Variants in COX11 observed in about 807,000 individuals in gnomAD.
The protein encoded by COX11 is cytochrome c oxidase copper chaperone COX11, also known as cytochrome c oxidase assembly protein COX11, mitochondrial.
In COX11, 18 loss-of-function variants were observed where a neutral mutation model predicts 29.4. That is an observed-to-expected ratio of 0.61 (90% CI 0.42 to 0.91). The LOEUF (loss-of-function observed/expected upper bound fraction) is 0.91. COX11 is among the 40% of genes least tolerant of loss of function. The probability of loss-of-function intolerance (pLI) is 0.00; values close to 1 mark genes in which losing one functional copy is unlikely to be tolerated. For missense variants in COX11, 312 were observed against 346.0 expected, an observed-to-expected ratio of 0.90 and a Z score of 0.78; for synonymous variants, 131 against 124.0, an observed-to-expected ratio of 1.06 and a Z score of -0.38.
At chr17:54,952,172 G>C (rs186452761) in exon 1 of COX11, 1 of 152,256 alleles carries the variant, frequency 6.6e-6, no homozygotes, top group Admixed American at 6.5e-5. Context: ...ACAGTAGTAA[G>C]AGCAATAAAA....
At chr17:54,966,486 TTTG>T (rs1490543426) in intron 1 of COX11, among the ~76,000 whole-genome samples, 3 of 152,212 alleles carry the variant, frequency 2.0e-5, no homozygotes, top group African/African-American at 7.2e-5. Context: ...TGAATAATTT[TTTG>T]TTGTTTGGGG....
Position 54,968,485 on chromosome 17 carries a change from C to T in COX11, c.162G>A (p.Gly54=). 6.2e-7 allele frequency: 1 copy of T among 1,613,498 alleles called. No homozygotes were observed. Among genetic ancestry groups the T allele is most frequent in the Non-Finnish European group, 8.5e-7 (1 of 1,180,008 alleles). ...CTCGAAGGCTGCAGCGCTTCCATGTCCCAAGCCACCTCAGTCCTCTCTCGG... is the reference window on the plus strand; with the variant it reads ...CTCGAAGGCTGCAGCGCTTCCATGTTCCAAGCCACCTCAGTCCTCTCTCGG... ...GGAERGLRWL[G]TWKRCSLRAR... Residue 54 remains glycine, a synonymous_variant, in exon 1 of 4, where the codon GGG becomes GGA. Coordinates refer to ENST00000299335, the MANE Select transcript of COX11 (RefSeq NM_004375.5).
intron 3 of COX11, 107 bp downstream of exon 3, chr17:54,963,199 A>G: frequency 1.6e-6 from 2 of 1,267,344 alleles, no homozygotes; most frequent in Non-Finnish European, 1.1e-6. Flanking sequence ...TGATGTTTAG[A>G]AGAAATTCGT....
At chr17:54,963,580 C>A in intron 2 of COX11, 149 bp from the exon 3 acceptor site, 1 of 725,426 alleles carries the variant, frequency 1.4e-6, no homozygotes. Flanking sequence ...GTGAATATTA[C>A]CCATAAACAT....
At chr17:54,959,855 G>A (rs1441251847), downstream of COX11, among the ~76,000 whole-genome samples, 6 of 152,124 alleles carry the variant, frequency 3.9e-5, no homozygotes, top group South Asian at 1.0e-3. Context: ...GGACTCAAGC[G>A]ATCCACCCAC....
At chr17:54,953,064 A>G (rs1598066156) in exon 1 of COX11, 1 of 152,216 alleles carries the variant, frequency 6.6e-6, no homozygotes, top group African/African-American at 2.4e-5. Context: ...CACAGAAAAC[A>G]TGGCTACAGT....
rs1266086867 is a variant in COX11, at chr17:54,960,434, A to C, written c.*2299T>G. 1 of 670,510 alleles carries C rather than the reference A, an allele frequency of 1.5e-6. No individual in the cohort carries two copies. Among genetic ancestry groups the C allele is most frequent in the Non-Finnish European group, 2.7e-6 (1 of 367,286 alleles). 41.5% of individuals were successfully genotyped at this position (670,510 alleles called of 1,614,324 possible). A position where few individuals can be genotyped will look rare whatever the true frequency, so the allele number is the denominator to read the frequency against. ...CTAGAATACACACTTCAGGGCAGAG[A>C]CTTATTTTTACTCATATGTAGCCTG... On this transcript the variant is annotated 3_prime_UTR_variant, in exon 4 of 4. Coordinates refer to ENST00000299335, the MANE Select transcript of COX11 (RefSeq NM_004375.5).
At chr17:54,965,296 T>C (rs1343494926) in intron 1 of COX11, among the ~76,000 whole-genome samples, 1 of 152,270 alleles carries the variant, frequency 6.6e-6, no homozygotes, top group African/African-American at 2.4e-5. Flanking sequence ...TCTGGTCCTT[T>C]TCCATATCAC....
chr17:54,955,346 G>C (rs568845444), upstream of COX11, among the ~76,000 whole-genome samples: 22 of 152,274 alleles, frequency 1.4e-4, no homozygotes, highest in African/African-American at 4.8e-4. Flanking sequence ...AGTGAGTGAG[G>C]TGTTTCCTCA....
rs1382125021 is a variant in COX11 at position 54,960,459 on chromosome 17, GA to G, written c.*2273del. ...ACTTATTTTTACTCATATGTAGCCT[GA>G]ACTCCAAAACCAGCTCAATTTTTAA... On this transcript the variant is annotated 3_prime_UTR_variant, in exon 4 of 4. Transcript: ENST00000299335. 3 of 789,638 alleles carry G rather than the reference GA, an allele frequency of 3.8e-6. No homozygotes were observed. In the African/African-American group the frequency reaches 5.1e-5, roughly 13 times the overall value. 48.9% of individuals were successfully genotyped at this position (789,638 alleles called of 1,614,324 possible).
intron 2 of COX11, 28 bp downstream of exon 2, chr17:54,964,669 A>G: frequency 6.2e-7 from 1 of 1,600,554 alleles, no homozygotes; most frequent in Non-Finnish European, 8.6e-7. Context: ...TAATAAAGTA[A>G]TCTTTTAATG....
downstream of COX11, chr17:54,958,126 G>A (rs1409286421): frequency 7.0e-6 from 1 of 143,320 alleles, no homozygotes; most frequent in African/African-American, 2.4e-5. Flanking sequence ...GCACATTCAA[G>A]GAAATGGAAA....
At chr17:54,966,887 T>C (rs1598114358) in intron 1 of COX11, among the ~76,000 whole-genome samples, 1 of 152,102 alleles carries the variant, frequency 6.6e-6, no homozygotes, top group African/African-American at 2.4e-5. Context: ...GAAAGGTAAA[T>C]TGATTTCCAC....
intron 3 of COX11, 104 bp downstream of exon 3, chr17:54,963,202 A>G: frequency 7.7e-7 from 1 of 1,295,702 alleles, no homozygotes; most frequent in Non-Finnish European, 1.1e-6. Context: ...TGTTTAGAAG[A>G]AATTCGTTTT....
At chr17:54,953,125 T>G (rs1413335009) in exon 1 of COX11, 2 of 152,390 alleles carry the variant, frequency 1.3e-5, no homozygotes, top group Non-Finnish European at 2.9e-5. Flanking sequence ...ATGCCTGTAA[T>G]GCCAACACTT....
chr17:54,968,234 CCCA>C, intron 1 of COX11, 44 bp downstream of exon 1: 1 of 1,585,334 alleles, frequency 6.3e-7, no homozygotes, highest in Non-Finnish European at 8.5e-7. Context: ...GTCTTGCACC[CCCA>C]CCTCTCGCGT....
rs780146064 is a variant in COX11, at chr17:54,964,706, T to C, written c.513A>G (p.Thr171=). Residue 171 remains threonine (T), a synonymous_variant, in exon 2 of 4, where the codon ACA becomes ACG. Coordinates refer to ENST00000299335, the MANE Select transcript of COX11 (RefSeq NM_004375.5). ...CTGGTTAGTCACTTACATATATTTC[T>C]GTTTGCTGAGGTCTAAAGTTCCACT... is the stretch of plus-strand genomic sequence containing the variant. The part of the protein sequence containing the change: ...SLQWNFRPQQ[T]EIYVVPGETA... 3.7e-6 allele frequency: 6 copies of C among 1,613,776 alleles called. No individual in the cohort carries two copies. Among genetic ancestry groups the C allele is most frequent in the Non-Finnish European group, 5.1e-6 (6 of 1,179,852 alleles).
Position 54,962,368 on chromosome 17 carries a change from A to T in COX11, c.*365T>A. 1 of 993,778 alleles carries T rather than the reference A, an allele frequency of 1.0e-6. No individual in the cohort carries two copies. The highest frequency in any genetic ancestry group is 1.7e-5 in the African/African-American group (1 of 57,476). 61.6% of individuals were successfully genotyped at this position (993,778 alleles called of 1,614,324 possible). On this transcript the variant is annotated 3_prime_UTR_variant, in exon 4 of 4. Coordinates refer to ENST00000299335, the MANE Select transcript of COX11 (RefSeq NM_004375.5). ...TTGAAACAAATAACCCTGAGCATAC[A>T]TTTTTGAAAAACATTGTCAGATTCA...
chr17:54,961,975 T>A lies in COX11; in HGVS notation c.*758A>T, dbSNP rs1265784455. 1.6e-4 allele frequency: 141 copies of A among 880,448 alleles called. No homozygotes were observed. Among genetic ancestry groups the A allele is most frequent in the Non-Finnish European group, 1.8e-4 (134 of 735,306 alleles). The allele number at this position is 880,448 out of a possible 1,614,324, so 54.5% of individuals were successfully genotyped here. ...AAAACAATTTAATACTTTTTTTTTT[T>A]AACAAAGGTTTGTTTCCAGAAGAAC... is the stretch of plus-strand genomic sequence containing the variant. On this transcript the variant is annotated 3_prime_UTR_variant, in exon 4 of 4. Transcript: ENST00000299335.
Sources: allele counts gnomAD v4.1 joint callset (sites outside exome capture counted in the v4.1 genomes callset), GRCh38; gene constraint gnomAD v4.1.1; transcripts MANE v1.5; gene names NCBI Gene and HGNC (gene_info 2026-07-23, HGNC 2026-07-21).